Variants in AGAP1 observed in about 807,000 individuals in gnomAD.
AGAP1 encodes ArfGAP with GTPase domain, ankyrin repeat and PH domain 1, also known as arf-GAP with GTPase, ANK repeat and PH domain-containing protein 1.
In AGAP1, 29 loss-of-function variants were observed where a neutral mutation model predicts 105.3. The observed-to-expected ratio is 0.28, with a 90% CI of 0.21 to 0.38. AGAP1 has a LOEUF of 0.38. Among genes scored for constraint, AGAP1 ranks in the 10% least tolerant of loss-of-function variants. AGAP1 has a pLI of 1.00. For missense variants in AGAP1, 998 were observed against 1,165.1 expected (o/e 0.86, Z 2.09); for synonymous variants, 509 against 485.9 (o/e 1.05, Z -0.63).
rs74817222 is a variant in AGAP1, at chr2:235,631,364, G to A, written c.164-77815G>A. Among the ~76,000 whole-genome samples, 238 of 152,302 alleles carry A rather than the reference G, an allele frequency of 1.6e-3. 2 individuals are homozygous for A. In the East Asian group the frequency reaches 0.04, roughly 25 times the overall value. The stretch of plus-strand genomic sequence containing the variant: ...GACGATGGATTAGCCAACCATGACC[G>A]GCCAGGCTGTGCGAGCTAGCCAAGG... On this transcript the variant is annotated intron_variant, in intron 1 of 17. Transcript: ENST00000304032. The surrounding 1 kb of genome is among the most constrained non-coding windows in gnomAD (Gnocchi z 5.4).
chr2:235,723,765 C>CGTTGGTTGGTTG lies in AGAP1; in HGVS notation c.310+6148_310+6159dup, dbSNP rs3834112. On this transcript the variant is annotated intron_variant, in intron 3 of 17. Transcript: ENST00000304032. This position sits in a 1 kb window ranked among gnomAD's most constrained non-coding sequence, Gnocchi z 6.2. ...ATATGGATTGAGTGGGAGCTTTTATCGTTGGTTGGTTGGTTGGTTGGTTGG... is the reference window on the plus strand; with the variant it reads ...ATATGGATTGAGTGGGAGCTTTTATCGTTGGTTGGTTGGTTGGTTGGTTGGTTGGTTGGTTGG... Among the ~76,000 whole-genome samples, 1,643 of 150,002 alleles carry CGTTGGTTGGTTG rather than the reference C, an allele frequency of 0.011. 26 individuals carry two copies. Among genetic ancestry groups the CGTTGGTTGGTTG allele is most frequent in the East Asian group, 0.043 (213 of 4,994 alleles).
intron 1 of AGAP1, among the ~76,000 whole-genome samples, chr2:235,630,586 G>T (rs1487577655): frequency 6.6e-5 from 10 of 152,146 alleles, no homozygotes; most frequent in African/African-American, 2.4e-4. Context: ...TTTCCGTGTC[G>T]TGTTGTAATA....
chr2:235,977,711 C>G lies in AGAP1; in HGVS notation c.1645+9088C>G, dbSNP rs2054919825. Among the ~76,000 whole-genome samples the G allele has an allele frequency of 6.6e-6, 1 of 152,154 alleles. No homozygotes were observed. Among genetic ancestry groups the G allele is most frequent in the Non-Finnish European group, 1.5e-5 (1 of 68,024 alleles). ...TGAAACTAGGCAGTGTTTTATCTCA[C>G]AGGCAGTGGCGACTTCATTCCTCTT... On this transcript the variant is annotated intron_variant, in intron 13 of 17. Coordinates refer to ENST00000304032, the MANE Select transcript of AGAP1 (RefSeq NM_001037131.3). The surrounding 1 kb of genome is among the most constrained non-coding windows in gnomAD (Gnocchi z 5.2).
At position 236,096,302 on chromosome 2, in the gene AGAP1, C is replaced by G. The variant is rs1334563295; in HGVS notation, c.2115-23890C>G. On this transcript the variant is annotated intron_variant, in intron 16 of 17. Coordinates refer to ENST00000304032, the MANE Select transcript of AGAP1 (RefSeq NM_001037131.3). This position sits in a 1 kb window ranked among gnomAD's most constrained non-coding sequence, Gnocchi z 4.4. Reference sequence around the variant, plus strand: ...AATCCCTGAGGTTAGAAGTTCGAGACCAGCCTGGCCAACATAGTGAAACAC... The same window carrying G: ...AATCCCTGAGGTTAGAAGTTCGAGAGCAGCCTGGCCAACATAGTGAAACAC... 6.6e-6 allele frequency among the ~76,000 whole-genome samples: 1 copy of G among 152,066 alleles called. No homozygotes were observed. Among genetic ancestry groups the G allele is most frequent in the African/African-American group, 2.4e-5 (1 of 41,424 alleles).
intron 1 of AGAP1, among the ~76,000 whole-genome samples, chr2:235,706,966 C>T (rs905207721): frequency 2.0e-4 from 31 of 152,238 alleles, no homozygotes; most frequent in Admixed American, 1.4e-3. Flanking sequence ...CAATTAGTTA[C>T]CCCTGACTGA....
In AGAP1 at chr2:236,104,328, T is replaced by A. The variant is rs2059431373; in HGVS notation, c.2115-15864T>A. Among the ~76,000 whole-genome samples the A allele has an allele frequency of 6.6e-6, 1 of 152,228 alleles. No individual in the cohort carries two copies. Among genetic ancestry groups the A allele is most frequent in the Admixed American group, 6.5e-5 (1 of 15,288 alleles). On this transcript the variant is annotated intron_variant, in intron 16 of 17. Transcript: ENST00000304032. The surrounding 1 kb of genome is among the most constrained non-coding windows in gnomAD (Gnocchi z 4.7). Reference sequence around the variant, plus strand: ...GCACTCCATCCTGTTCCATCCCCAGTGCCCTCTGACTGCACGGGGCTGAGA... The same window carrying A: ...GCACTCCATCCTGTTCCATCCCCAGAGCCCTCTGACTGCACGGGGCTGAGA...
At chr2:235,890,532 G>A (rs1035630246) in intron 10 of AGAP1, among the ~76,000 whole-genome samples, 6 of 152,308 alleles carry the variant, frequency 3.9e-5, no homozygotes, top group South Asian at 2.1e-4. Context: ...AACCTACAGC[G>A]TCCACATCAT....
At chr2:235,657,295 C>T (rs895936207) in intron 1 of AGAP1, among the ~76,000 whole-genome samples, 1 of 152,180 alleles carries the variant, frequency 6.6e-6, no homozygotes, top group Admixed American at 6.5e-5. Flanking sequence ...TGAGTTTTTA[C>T]TGAGAAAAAG....
intron 1 of AGAP1, among the ~76,000 whole-genome samples, chr2:235,519,582 T>C (rs1027583283): frequency 6.6e-6 from 1 of 152,200 alleles, no homozygotes; most frequent in Non-Finnish European, 1.5e-5. Context: ...ATATGTGTTG[T>C]GTGTGCATAG....
chr2:235,664,329 AG>A lies in AGAP1; in HGVS notation c.164-44849del, dbSNP rs1251955458. Among the ~76,000 whole-genome samples the A allele has an allele frequency of 6.6e-6, 1 of 151,866 alleles. No homozygotes were observed. The highest frequency in any genetic ancestry group is 1.5e-5 in the Non-Finnish European group (1 of 67,966). On this transcript the variant is annotated intron_variant, in intron 1 of 17. Transcript: ENST00000304032. The surrounding 1 kb of genome is among the most constrained non-coding windows in gnomAD (Gnocchi z 5.7). ...TGGGTTCAAGCGATTTCCCTACCTC[AG>A]CCCCCCAGGTAGCTGGGATTACAGG...
At chr2:235,742,689 C>T (rs1294944247) in intron 4 of AGAP1, among the ~76,000 whole-genome samples, 1 of 151,968 alleles carries the variant, frequency 6.6e-6, no homozygotes, top group East Asian at 1.9e-4. Flanking sequence ...CTCTTGGAGG[C>T]AAGGTCCCTC....
In AGAP1 at chr2:236,050,368, G is replaced by C. The variant is rs796955309; in HGVS notation, c.2114+1087G>C. Among the ~76,000 whole-genome samples the C allele has an allele frequency of 6.8e-4, 103 of 152,338 alleles. No individual in the cohort carries two copies. Among genetic ancestry groups the C allele is most frequent in the African/African-American group, 2.4e-3 (99 of 41,572 alleles). On this transcript the variant is annotated intron_variant, in intron 16 of 17. Transcript: ENST00000304032. This position sits in a 1 kb window ranked among gnomAD's most constrained non-coding sequence, Gnocchi z 4.0. ...TCTCCGTATGAGGGATTCTTTGGTA[G>C]TGGGGAGGACAGGAAAGGTGCAAAG...
rs1014273210 is a variant in AGAP1 at position 236,055,093 on chromosome 2, C to T, written c.2114+5812C>T. On this transcript the variant is annotated intron_variant, in intron 16 of 17. Coordinates refer to ENST00000304032, the MANE Select transcript of AGAP1 (RefSeq NM_001037131.3). This position sits in a 1 kb window ranked among gnomAD's most constrained non-coding sequence, Gnocchi z 6.2. ...CTGTGACCTCCCGCTTGTCAAGGTC[C>T]GGGCTGTGCTCTTCTTTCAATTAAG... Among the ~76,000 whole-genome samples the T allele has an allele frequency of 3.3e-5, 5 of 152,154 alleles. No individual in the cohort carries two copies. The highest frequency in any genetic ancestry group is 7.2e-5 in the African/African-American group (3 of 41,436).
chr2:235,536,570 G>T (rs13401070), intron 1 of AGAP1, among the ~76,000 whole-genome samples: 2,933 of 126,792 alleles, frequency 0.023, 124 homozygotes, highest in African/African-American at 0.084. Flanking sequence ...TTTGTGTGTG[G>T]CATCCTGCAC....
intron 10 of AGAP1, among the ~76,000 whole-genome samples, chr2:235,884,551 G>A (rs2050182697): frequency 6.7e-6 from 1 of 149,426 alleles, no homozygotes; most frequent in Non-Finnish European, 1.5e-5. Flanking sequence ...CCTGGGTTCA[G>A]GCAATTCTCC....
intron 12 of AGAP1, among the ~76,000 whole-genome samples, chr2:235,954,583 G>T (rs2125280709): frequency 6.7e-6 from 1 of 150,130 alleles, no homozygotes; most frequent in African/African-American, 2.5e-5. Flanking sequence ...CTGTGTGAAT[G>T]ATAATTGTCT....
intron 12 of AGAP1, among the ~76,000 whole-genome samples, chr2:235,941,826 G>A (rs1253591154): frequency 1.4e-5 from 2 of 138,936 alleles, no homozygotes; most frequent in South Asian, 2.7e-4. Context: ...GGAAGGGTGT[G>A]TGCGGCTATG....
At chr2:236,006,789 A>G (rs2056337310) in intron 13 of AGAP1, among the ~76,000 whole-genome samples, 1 of 152,240 alleles carries the variant, frequency 6.6e-6, no homozygotes, top group African/African-American at 2.4e-5. Flanking sequence ...AAAGGTAGAT[A>G]AGCCATGGCT....
chr2:235,531,255 A>G (rs1387829350), intron 1 of AGAP1, among the ~76,000 whole-genome samples: 2 of 152,088 alleles, frequency 1.3e-5, no homozygotes, highest in African/African-American at 4.8e-5. Flanking sequence ...TCATGAGATG[A>G]CTGGCACTTT....
Sources: gnomAD v4.1 joint callset for allele counts (sites outside exome capture counted in the v4.1 genomes callset) on GRCh38, gnomAD v4.1.1 for gene constraint, Gnocchi (gnomAD v3.1) non-coding constraint, MANE v1.5 for transcripts, NCBI Gene and HGNC (gene_info 2026-07-23, HGNC 2026-07-21) for gene names.